The following DMD variants were observed in gnomAD, a reference collection of about 807,000 sequenced individuals.
DMD encodes the protein dystrophin, also known as mutant dystrophin.
DMD carries 63 observed loss-of-function variants against 330.1 expected under a neutral mutation model. That is an observed-to-expected ratio of 0.19 (90% CI 0.16 to 0.24). The LOEUF (loss-of-function observed/expected upper bound fraction) is 0.24. Among genes scored for constraint, DMD ranks in the 10% least tolerant of loss-of-function variants. The pLI is 1.00. For missense variants in DMD, 3,344 were observed against 2,684.1 expected, an observed-to-expected ratio of 1.25 and a Z score of -5.43; for synonymous variants, 1,223 against 959.8, an observed-to-expected ratio of 1.27 and a Z score of -5.07.
At chrX:32,725,010 A>G (rs1047566293) in intron 7 of DMD, among the ~76,000 whole-genome samples, 1 of 111,642 alleles carries the variant, frequency 9.0e-6, no homozygotes, top group African/African-American at 3.2e-5. Flanking sequence ...CTCAAGTACA[A>G]CACCTTAGCC....
chrX:31,183,874 A>G (rs1436901021), intron 67 of DMD, among the ~76,000 whole-genome samples: 1 of 109,403 alleles, frequency 9.1e-6, no homozygotes, highest in Non-Finnish European at 1.9e-5. Flanking sequence ...TTTTTAAAAA[A>G]AAAATCCATA....
chrX:32,422,224 C>G (rs964184415), intron 29 of DMD, among the ~76,000 whole-genome samples: 1 of 111,464 alleles, frequency 9.0e-6, no homozygotes, highest in Non-Finnish European at 1.9e-5. Context: ...TATACATGTG[C>G]TGATAAAGGT....
chrX:32,257,049 T>C (rs943705834), intron 43 of DMD, among the ~76,000 whole-genome samples: 45 of 111,421 alleles, frequency 4.0e-4, no homozygotes, highest in African/African-American at 1.5e-3. Flanking sequence ...AAATCGTGGG[T>C]GAACTCCTAT....
rs775323928 is a variant in DMD at position 31,177,917 on chromosome X, A to T, written c.10262+15T>A. The T allele has an allele frequency of 2.5e-6, 3 of 1,191,563 alleles. No individual in the cohort carries two copies. Among genetic ancestry groups the T allele is most frequent in the Non-Finnish European group, 2.3e-6 (2 of 878,386 alleles). On this transcript the variant is annotated intron_variant, in intron 71 of 78. Coordinates refer to ENST00000357033, the MANE Select transcript of DMD (RefSeq NM_004006.3). ...GTTGGTGGTAGCAGCACCCTTCAGC[A>T]AAAAAAGTACTCACGCAGAATCTAC... is the stretch of plus-strand genomic sequence containing the variant.
intron 48 of DMD, among the ~76,000 whole-genome samples, chrX:31,849,147 T>C (rs1011381313): frequency 1.8e-5 from 2 of 110,260 alleles, no homozygotes; most frequent in Non-Finnish European, 3.8e-5. Context: ...ATTATATATA[T>C]ATTAAGAATA....
intron 1 of DMD, among the ~76,000 whole-genome samples, chrX:33,048,714 A>AAT (rs2147985665): frequency 9.7e-6 from 1 of 102,607 alleles, no homozygotes; most frequent in African/African-American, 3.5e-5. Flanking sequence ...AAAAAAAAAA[A>AAT]AAAAGGAGAG....
intron 9 of DMD, among the ~76,000 whole-genome samples, chrX:32,693,502 C>T (rs1403846460): frequency 9.0e-6 from 1 of 111,597 alleles, no homozygotes; most frequent in Non-Finnish European, 1.9e-5. Flanking sequence ...GTGCAGTGGC[C>T]GATCTCAGCT....
intron 62 of DMD, among the ~76,000 whole-genome samples, chrX:31,310,193 C>G (rs2055365846): frequency 1.3e-5 from 1 of 76,008 alleles, no homozygotes; most frequent in South Asian, 5.2e-4. Context: ...CTCTCTCTCT[C>G]TCTCTCTCTC....
At chrX:33,137,761 A>G (rs1349261401) in intron 1 of DMD, among the ~76,000 whole-genome samples, 1 of 111,990 alleles carries the variant, frequency 8.9e-6, no homozygotes, top group Non-Finnish European at 1.9e-5. Flanking sequence ...GAATGAACCA[A>G]GAGAGACAGA....
chrX:32,646,077 G>T (rs376417631), intron 9 of DMD, among the ~76,000 whole-genome samples: 2 of 111,705 alleles, frequency 1.8e-5, no homozygotes, highest in South Asian at 3.8e-4. Context: ...AGCGCTCTGC[G>T]TGGCTCTAAC....
At position 32,825,995 on chromosome X, in the gene DMD, A is replaced by C. The variant is rs186914825; in HGVS notation, c.265-2608T>G. Among the ~76,000 whole-genome samples the C allele has an allele frequency of 4.5e-4, 50 of 111,380 alleles. 1 individual carries two copies. Among genetic ancestry groups the C allele is most frequent in the African/African-American group, 1.4e-3 (43 of 30,665 alleles). On this transcript the variant is annotated intron_variant, in intron 4 of 78. Coordinates refer to ENST00000357033, the MANE Select transcript of DMD (RefSeq NM_004006.3). Reference sequence around the variant, plus strand: ...AAGCCACTGAATTATACACTAAAAAAATAGAAAAAATGATACCTCAAACCC... The same window carrying C: ...AAGCCACTGAATTATACACTAAAAACATAGAAAAAATGATACCTCAAACCC...
At chrX:31,479,208 T>C in intron 57 of DMD, 105 bp from the exon 58 acceptor site, 1 of 923,919 alleles carries the variant, frequency 1.1e-6, no homozygotes, top group South Asian at 2.1e-5. Flanking sequence ...GGTCAATTTC[T>C]ATCTCTTTTA....
chrX:32,804,200 G>A (rs1165861212), intron 7 of DMD, among the ~76,000 whole-genome samples: 1 of 111,772 alleles, frequency 8.9e-6, no homozygotes, highest in South Asian at 3.8e-4. Flanking sequence ...CAACGCCCAC[G>A]GAGCCCAGCA....
intron 43 of DMD, among the ~76,000 whole-genome samples, chrX:32,220,065 GA>G (rs2097127161): frequency 1.8e-5 from 2 of 111,635 alleles, no homozygotes; most frequent in African/African-American, 6.5e-5. Flanking sequence ...CTGGAGGTAG[GA>G]AGAGAAGGGG....
intron 63 of DMD, among the ~76,000 whole-genome samples, chrX:31,252,326 C>A (rs753455152): frequency 8.9e-6 from 1 of 111,858 alleles, no homozygotes; most frequent in Non-Finnish European, 1.9e-5. Flanking sequence ...TTAATTATGC[C>A]GATAAAGCAG....
At chrX:32,344,165 A>C (rs771742398) in intron 39 of DMD, among the ~76,000 whole-genome samples, 3 of 112,221 alleles carry the variant, frequency 2.7e-5, no homozygotes, top group Non-Finnish European at 5.6e-5. Context: ...ATTCATGGGA[A>C]CATAAGCTCT....
intron 17 of DMD, among the ~76,000 whole-genome samples, chrX:32,543,675 C>T (rs1035038852): frequency 8.9e-6 from 1 of 112,118 alleles, no homozygotes; most frequent in African/African-American, 3.2e-5. Flanking sequence ...GCTTTTCACT[C>T]CATCAATTTT....
chrX:33,039,144 T>A (rs2094255233), intron 1 of DMD, among the ~76,000 whole-genome samples: 1 of 112,005 alleles, frequency 8.9e-6, no homozygotes. Flanking sequence ...ATATCATGGT[T>A]TAAATTTTTA....
chrX:33,335,891 C>T (rs2054246329), intron 1 of DMD, among the ~76,000 whole-genome samples: 1 of 111,001 alleles, frequency 9.0e-6, no homozygotes, highest in African/African-American at 3.3e-5. Context: ...GCAAATATTT[C>T]TCCATTTTCA....
Sources: gnomAD v4.1 joint callset for allele counts (sites outside exome capture counted in the v4.1 genomes callset) on GRCh38, gnomAD v4.1.1 for gene constraint, MANE v1.5 for transcripts, NCBI Gene and HGNC (gene_info 2026-07-23, HGNC 2026-07-21) for gene names.